SUCO: variants seen among roughly 807,000 people sequenced by gnomAD.
SUCO encodes SUN domain containing ossification factor, also known as SUN domain-containing ossification factor.
A neutral mutation model predicts 148.1 loss-of-function variants in SUCO; 57 were observed. The observed-to-expected ratio is 0.38, with a 90% CI of 0.31 to 0.48. SUCO has a LOEUF of 0.48. SUCO is among the 20% of genes least tolerant of loss of function. The pLI is 0.96. For synonymous variants in SUCO, 470 were observed against 502.7 expected (o/e 0.93, Z 0.87); for missense variants, 1,331 against 1,468.2 (o/e 0.91, Z 1.53).
intron 1 of SUCO, among the ~76,000 whole-genome samples, chr1:172,540,521 A>T (rs1652372884): frequency 6.6e-6 from 1 of 152,208 alleles, no homozygotes; most frequent in Non-Finnish European, 1.5e-5. Flanking sequence ...TATATGTCTA[A>T]CATTCTAAGA....
In SUCO at chr1:172,573,973, G is replaced by T; in HGVS notation, c.1132G>T (p.Asp378Tyr). 6.3e-7 allele frequency: 1 copy of T among 1,588,550 alleles called. No homozygotes were observed. The highest frequency in any genetic ancestry group is 8.6e-7 in the Non-Finnish European group (1 of 1,160,130). Reference sequence around the variant, plus strand: ...TGAATTATTTTCTTCTACTCCTAAAGATTTTCTGGTTTCTATCAGTGACAG... The same window carrying T: ...TGAATTATTTTCTTCTACTCCTAAATATTTTCTGGTTTCTATCAGTGACAG... ...NYELFSSTPK[D>Y]FLVSISDRYP... is the part of the protein sequence containing the mutation. The change falls in exon 10 of 24, where the codon GAT (aspartate) becomes TAT (tyrosine). Residue 378 changes from aspartate (D) to tyrosine (Y), a missense_variant. Physicochemically the swap from Asp to Tyr is radical, Grantham distance 160. This residue lies in a region of SUCO where 992 missense variants were observed against 1,093.5 expected (regional missense o/e 0.91). Transcript: ENST00000263688.
intron 4 of SUCO, 191 bp from the exon 5 acceptor site, chr1:172,557,089 C>G (rs1180121645): frequency 7.2e-6 from 7 of 976,232 alleles, no homozygotes; most frequent in Non-Finnish European, 8.5e-6. Flanking sequence ...CAAATATTAA[C>G]CTCATATTTG....
At position 172,602,219 on chromosome 1, in the gene SUCO, G is replaced by A; in HGVS notation, c.3173+1G>A. ...GTAATCAGTATCCAAGCCCTAAAAG[G>A]TAATATCAGCATTATATTTCACAAT... is the stretch of plus-strand genomic sequence containing the variant. On this transcript the variant is annotated splice_donor_variant, in intron 21 of 23. Coordinates refer to ENST00000263688, the MANE Select transcript of SUCO (RefSeq NM_014283.5). LOFTEE classifies it high-confidence loss of function. The A allele has an allele frequency of 6.3e-7, 1 of 1,595,504 alleles. No homozygotes were observed. The highest frequency in any genetic ancestry group is 2.2e-5 in the East Asian group (1 of 44,642).
chr1:172,532,976 C>T (rs1451168509), upstream of SUCO: 1 of 1,378,892 alleles, frequency 7.3e-7, no homozygotes, highest in Non-Finnish European at 9.5e-7. Flanking sequence ...GCGTGGCCTG[C>T]GCAGAGGCTG....
At chr1:172,584,881 T>G (rs1656129192) in intron 15 of SUCO, 137 bp from the exon 16 acceptor site, 2 of 528,380 alleles carry the variant, frequency 3.8e-6, no homozygotes, top group African/African-American at 3.9e-5. Context: ...TATTGGACTT[T>G]AGTTGTGAGG....
upstream of SUCO, chr1:172,532,429 T>A: frequency 6.7e-7 from 1 of 1,485,866 alleles, no homozygotes; most frequent in Non-Finnish European, 9.2e-7. Context: ...AAATTCTTGC[T>A]GAAGAGAAGA....
chr1:172,561,696 A>G (rs1654167026), intron 6 of SUCO, among the ~76,000 whole-genome samples: 1 of 152,182 alleles, frequency 6.6e-6, no homozygotes, highest in Non-Finnish European at 1.5e-5. Context: ...AAAGGGTTCA[A>G]GGACCAATGA....
chr1:172,557,910 A>G (rs749086702), intron 6 of SUCO, 116 bp downstream of exon 6: 1 of 800,602 alleles, frequency 1.2e-6, no homozygotes, highest in Non-Finnish European at 1.9e-6. Context: ...GATTAAGTAG[A>G]CAATAACATG....
chr1:172,570,152 C>G lies in SUCO; in HGVS notation c.962C>G (p.Ala321Gly). Reference protein sequence around the residue: ...ASVECGAKILAANPEAKSTSA... With the variant: ...ASVECGAKILGANPEAKSTSA... The stretch of plus-strand genomic sequence containing the variant: ...GTAGAATGTGGTGCCAAAATTCTAG[C>G]AGCTAATCCAGAAGCCAAGGTAGGT... The change falls in exon 8 of 24, where the codon GCA becomes GGA. Residue 321 changes from alanine (A) to glycine (G), a missense_variant. This residue lies in a region of SUCO where 992 missense variants were observed against 1,093.5 expected (regional missense o/e 0.91). Coordinates refer to ENST00000263688, the MANE Select transcript of SUCO (RefSeq NM_014283.5). 1 of 1,579,948 alleles carries G rather than the reference C, an allele frequency of 6.3e-7. No homozygotes were observed. Among genetic ancestry groups the G allele is most frequent in the Non-Finnish European group, 8.6e-7 (1 of 1,162,206 alleles).
intron 19 of SUCO, among the ~76,000 whole-genome samples, chr1:172,593,966 C>T (rs550630308): frequency 6.8e-4 from 104 of 152,136 alleles, no homozygotes; most frequent in Non-Finnish European, 1.2e-3. Context: ...TGTTATTGGT[C>T]TATTCAGAGA....
At chr1:172,548,559 T>A (rs1653039508) in intron 1 of SUCO, among the ~76,000 whole-genome samples, 1 of 152,038 alleles carries the variant, frequency 6.6e-6, no homozygotes, top group African/African-American at 2.4e-5. Context: ...CTTATCTACA[T>A]CCCACCAATT....
At chr1:172,543,144 G>A (rs142507323) in intron 1 of SUCO, 179 of 331,720 alleles carry the variant, frequency 5.4e-4, no homozygotes, top group African/African-American at 3.7e-3. Flanking sequence ...GATTATGTCA[G>A]TCCCCTGATG....
At chr1:172,580,450 T>C (rs1257533652) in intron 15 of SUCO, among the ~76,000 whole-genome samples, 1 of 152,216 alleles carries the variant, frequency 6.6e-6, no homozygotes, top group Non-Finnish European at 1.5e-5. Flanking sequence ...GATATAAAAA[T>C]AAGTCTTATT....
At chr1:172,603,090 T>C (rs892073085) in intron 22 of SUCO, 15 of 250,472 alleles carry the variant, frequency 6.0e-5, no homozygotes, top group Non-Finnish European at 8.4e-5. Flanking sequence ...TCAACAGATA[T>C]GGAAAACCTG....
At chr1:172,570,900 G>A in intron 9 of SUCO, 170 bp downstream of exon 9, 2 of 493,214 alleles carry the variant, frequency 4.1e-6, no homozygotes, top group South Asian at 3.9e-5. Flanking sequence ...CTTTTGAGGA[G>A]GTCACAAAAA....
intron 1 of SUCO, chr1:172,542,831 A>G (rs1652579404): frequency 4.1e-6 from 4 of 985,412 alleles, no homozygotes; most frequent in East Asian, 1.1e-4. Flanking sequence ...GAAAGGATGG[A>G]TGGAAAGAGA....
At position 172,558,718 on chromosome 1, in the gene SUCO, C is replaced by A. The variant is rs369635725; in HGVS notation, c.732+924C>A. On this transcript the variant is annotated intron_variant, in intron 6 of 23. Transcript: ENST00000263688. ...GAAGGAACTACTTTTCTCAGTGATA[C>A]CAAATCACGCATATGTTAAAGTTTA... Among the ~76,000 whole-genome samples, 45 of 152,284 alleles carry A rather than the reference C, an allele frequency of 3.0e-4. No individual in the cohort carries two copies. The East Asian group carries it at 7.9e-3, about 27-fold the overall frequency.
chr1:172,535,347 T>G (rs1474698349), intron 1 of SUCO, among the ~76,000 whole-genome samples: 2 of 152,222 alleles, frequency 1.3e-5, no homozygotes, highest in Non-Finnish European at 2.9e-5. Flanking sequence ...TAGAGACATT[T>G]TAATTATTCT....
chr1:172,601,382 T>C (rs1398342325), intron 20 of SUCO, among the ~76,000 whole-genome samples: 1 of 151,666 alleles, frequency 6.6e-6, no homozygotes, highest in African/African-American at 2.4e-5. Flanking sequence ...TCCCAGCAAC[T>C]TGGGAGCTTG....
Sources: allele counts gnomAD v4.1 joint callset (sites outside exome capture counted in the v4.1 genomes callset), GRCh38; gene constraint gnomAD v4.1.1; regional missense constraint gnomAD v4.1.1; transcripts MANE v1.5; gene names NCBI Gene and HGNC (gene_info 2026-07-23, HGNC 2026-07-21).